Variants in ARB2A observed in about 807,000 individuals in gnomAD.
ARB2A encodes ARB2 cotranscriptional regulator A.
the ARB2A span, among the ~76,000 whole-genome samples, chr5:93,692,080 T>G: frequency 6.6e-6 from 1 of 152,082 alleles, no homozygotes; most frequent in East Asian, 1.9e-4. Flanking sequence ...CATACCAAAT[T>G]GTAAAGACCA....
chr5:93,674,329 A>G, the ARB2A span, among the ~76,000 whole-genome samples: 2 of 152,322 alleles, frequency 1.3e-5, no homozygotes, highest in Middle Eastern at 6.8e-3. Context: ...ACCCTGGCTA[A>G]GCTTAAGACA....
At chr5:93,663,999 A>T in the ARB2A span, among the ~76,000 whole-genome samples, 1 of 152,136 alleles carries the variant, frequency 6.6e-6, no homozygotes, top group African/African-American at 2.4e-5. Flanking sequence ...CAAAGGGTTC[A>T]TGTATCAATA....
At chr5:93,820,806 T>C in the ARB2A span, among the ~76,000 whole-genome samples, 4 of 152,288 alleles carry the variant, frequency 2.6e-5, no homozygotes, top group East Asian at 7.7e-4. Context: ...TCAATAGGGT[T>C]GTCTTATCAA....
the ARB2A span, chr5:93,620,968 C>A: frequency 6.3e-7 from 1 of 1,599,970 alleles, no homozygotes; most frequent in Non-Finnish European, 8.5e-7. Flanking sequence ...GGCGGCCTCC[C>A]CCGTCGCGCT....
the ARB2A span, among the ~76,000 whole-genome samples, chr5:94,061,151 C>T: frequency 1.3e-5 from 2 of 151,844 alleles, no homozygotes; most frequent in African/African-American, 2.4e-5. Flanking sequence ...GGCAGGAGAA[C>T]GGTGTGAACC....
chr5:93,640,431 A>C, the ARB2A span, among the ~76,000 whole-genome samples: 1 of 152,086 alleles, frequency 6.6e-6, no homozygotes, highest in South Asian at 2.1e-4. Context: ...CCTGGGCGAC[A>C]GAGCAAGACT....
the ARB2A span, among the ~76,000 whole-genome samples, chr5:93,843,446 G>T: frequency 9.4e-4 from 132 of 140,678 alleles, no homozygotes; most frequent in African/African-American, 3.3e-3. Flanking sequence ...TTTTGAGACA[G>T]GGTCTCACTC....
the ARB2A span, chr5:93,910,773 C>A: frequency 6.6e-6 from 1 of 151,304 alleles, no homozygotes; most frequent in African/African-American, 2.4e-5. Flanking sequence ...ACATTTTAAA[C>A]TACAGGGAAA....
chr5:93,917,156 T>C, the ARB2A span, among the ~76,000 whole-genome samples: 1 of 152,176 alleles, frequency 6.6e-6, no homozygotes, highest in East Asian at 1.9e-4. Flanking sequence ...TAGGGCACAG[T>C]GGCTAGGGCT....
chr5:94,007,684 A>G, the ARB2A span, among the ~76,000 whole-genome samples: 1 of 151,818 alleles, frequency 6.6e-6, no homozygotes, highest in Non-Finnish European at 1.5e-5. Context: ...CTGAGGCAAG[A>G]GAATGGCTTG....
chr5:93,706,862 CAA>C, the ARB2A span, among the ~76,000 whole-genome samples: 50 of 102,262 alleles, frequency 4.9e-4, no homozygotes, highest in Admixed American at 6.5e-4. Context: ...AAGATTCCGT[CAA>C]AAAAAAAAAA....
chr5:93,692,260 G>A, the ARB2A span, among the ~76,000 whole-genome samples: 1 of 152,214 alleles, frequency 6.6e-6, no homozygotes, highest in Non-Finnish European at 1.5e-5. Context: ...AGACCCATTA[G>A]TGGGCTGTAT....
At chr5:94,083,921 T>C in the ARB2A span, among the ~76,000 whole-genome samples, 1 of 151,962 alleles carries the variant, frequency 6.6e-6, no homozygotes, top group African/African-American at 2.4e-5. Context: ...AAAAATTGTA[T>C]TTACAAATAC....
chr5:94,067,401 C>T, the ARB2A span, among the ~76,000 whole-genome samples: 1 of 152,074 alleles, frequency 6.6e-6, no homozygotes, highest in Non-Finnish European at 1.5e-5. Flanking sequence ...TCAAATTGTC[C>T]TTTTGCATCT....
At chr5:93,788,749 T>C in the ARB2A span, among the ~76,000 whole-genome samples, 1 of 152,190 alleles carries the variant, frequency 6.6e-6, no homozygotes. Context: ...ATGCCTTAAT[T>C]TACTTTGAAG....
the ARB2A span, chr5:94,050,773 A>T: frequency 6.2e-7 from 1 of 1,612,902 alleles, no homozygotes; most frequent in African/African-American, 1.3e-5. Context: ...ATCTGTGTAA[A>T]TCTTCCCGGT....
At chr5:93,896,660 A>C in the ARB2A span, among the ~76,000 whole-genome samples, 1 of 152,092 alleles carries the variant, frequency 6.6e-6, no homozygotes, top group South Asian at 2.1e-4. Flanking sequence ...AAGGTAATTC[A>C]TGTTAAAAGG....
the ARB2A span, chr5:94,050,609 A>C: frequency 2.1e-5 from 16 of 747,732 alleles, no homozygotes; most frequent in African/African-American, 5.4e-5. Context: ...AAAAAAAAAA[A>C]CAAAAACCTT....
the ARB2A span, among the ~76,000 whole-genome samples, chr5:94,043,581 T>C: frequency 6.6e-6 from 1 of 152,230 alleles, no homozygotes; most frequent in Non-Finnish European, 1.5e-5. Flanking sequence ...CAAATTTGAC[T>C]TGTAGAGCCA....
Sources: gnomAD v4.1 joint callset for allele counts (sites outside exome capture counted in the v4.1 genomes callset) on GRCh38, gnomAD v4.1.1 for gene constraint, MANE v1.5 for transcripts, NCBI Gene and HGNC (gene_info 2026-07-23, HGNC 2026-07-21) for gene names.